Variants in IGF1R observed in about 807,000 individuals in gnomAD.
IGF1R encodes insulin like growth factor 1 receptor, also known as insulin-like growth factor 1 receptor.
Under a neutral mutation model 144.6 loss-of-function variants are expected in IGF1R, and 44 were observed. The observed-to-expected ratio is 0.30, with a 90% CI of 0.24 to 0.39. The LOEUF is 0.39. IGF1R is among the 10% of genes least tolerant of loss of function. The pLI is 1.00. For synonymous variants in IGF1R, 795 were observed against 722.8 expected (o/e 1.10, Z -1.60); for missense variants, 1,355 against 1,833.7 (o/e 0.74, Z 4.77).
At chr15:98,737,536 C>T (rs2054639256) in intron 2 of IGF1R, among the ~76,000 whole-genome samples, 1 of 152,044 alleles carries the variant, frequency 6.6e-6, no homozygotes, top group Admixed American at 6.6e-5. Context: ...TGAGCCCTGT[C>T]AAATAAATTC....
Position 98,902,479 on chromosome 15 carries a change from G to A in IGF1R, c.1247+2858G>A, listed in dbSNP as rs532950632. Among the ~76,000 whole-genome samples the A allele has an allele frequency of 1.2e-4, 18 of 147,410 alleles. No individual in the cohort carries two copies. The South Asian group carries it at 2.2e-3, about 18-fold the overall frequency. On this transcript the variant is annotated intron_variant, in intron 5 of 20. Coordinates refer to ENST00000650285, the MANE Select transcript of IGF1R (RefSeq NM_000875.5). ...GTCGCCCAGGCTGGAGTGTAGTGGC[G>A]CTGTCTCGGCTCACTGCACCCTCTG...
chr15:98,900,959 A>G (rs148221968), intron 5 of IGF1R, among the ~76,000 whole-genome samples: 162 of 152,318 alleles, frequency 1.1e-3, no homozygotes, highest in African/African-American at 3.8e-3. Flanking sequence ...ATAGACATAG[A>G]GGTGAATGCT....
chr15:98,901,208 C>G (rs1024647075), intron 5 of IGF1R, among the ~76,000 whole-genome samples: 6 of 152,146 alleles, frequency 3.9e-5, no homozygotes, highest in Admixed American at 3.3e-4. Context: ...AAGCCCGGGC[C>G]CCTGGCCTGC....
At chr15:98,839,761 G>T (rs937726777) in intron 2 of IGF1R, among the ~76,000 whole-genome samples, 7 of 152,168 alleles carry the variant, frequency 4.6e-5, no homozygotes, top group Non-Finnish European at 1.0e-4. Context: ...CACAGTGGCT[G>T]CTTCCTCTAC....
intron 1 of IGF1R, among the ~76,000 whole-genome samples, chr15:98,675,630 C>A (rs1333791195): frequency 2.0e-5 from 3 of 152,000 alleles, no homozygotes; most frequent in Non-Finnish European, 4.4e-5. Context: ...ATACTCAAGT[C>A]AAAATCGGTT....
rs2151694701 is a variant in IGF1R, at chr15:98,924,660, G to T, written c.2758G>T (p.Val920Leu). ...LSGNGSWTDP[V>L]FFYVQAKTGY... ...TGGGAATGGGTCGTGGACAGATCCT[G>T]TGTTCTTCTATGTCCAGGCCAAAAG... Residue 920 changes from valine to leucine, a missense_variant, in exon 13 of 21, where the codon GTG (valine) becomes TTG (leucine). Around this residue, in one of 7 missense-constraint regions of IGF1R, gnomAD observed 880 missense variants for 1,202.7 expected, o/e 0.73. Coordinates refer to ENST00000650285, the MANE Select transcript of IGF1R (RefSeq NM_000875.5). 1.2e-6 allele frequency: 2 copies of T among 1,614,230 alleles called. No homozygotes were observed. Among genetic ancestry groups the T allele is most frequent in the Non-Finnish European group, 1.7e-6 (2 of 1,180,050 alleles).
chr15:98,717,861 A>G (rs2054156663), intron 2 of IGF1R, among the ~76,000 whole-genome samples: 1 of 152,124 alleles, frequency 6.6e-6, no homozygotes, highest in African/African-American at 2.4e-5. Flanking sequence ...TTTTATGACA[A>G]CTTTAGGTCT....
At chr15:98,720,519 G>A (rs1004030129) in intron 2 of IGF1R, among the ~76,000 whole-genome samples, 1 of 152,168 alleles carries the variant, frequency 6.6e-6, no homozygotes, top group Non-Finnish European at 1.5e-5. Flanking sequence ...GACTGCCTAC[G>A]AAACTAGATC....
chr15:98,927,712 C>A (rs983907161), intron 13 of IGF1R, among the ~76,000 whole-genome samples: 7 of 152,162 alleles, frequency 4.6e-5, no homozygotes, highest in Non-Finnish European at 1.0e-4. Flanking sequence ...GCTACAATAT[C>A]AATAAAAATA....
At chr15:98,690,647 T>G (rs185616153) in intron 1 of IGF1R, among the ~76,000 whole-genome samples, 1 of 152,328 alleles carries the variant, frequency 6.6e-6, no homozygotes, top group Non-Finnish European at 1.5e-5. Context: ...CTTATGGAAA[T>G]TAGAACAATA....
chr15:98,947,188 C>T (rs563390437), intron 19 of IGF1R, among the ~76,000 whole-genome samples: 1 of 152,340 alleles, frequency 6.6e-6, no homozygotes, highest in East Asian at 1.9e-4. Context: ...TTCTTGGTCA[C>T]TTGTAATTAA....
intron 2 of IGF1R, among the ~76,000 whole-genome samples, chr15:98,865,949 G>T (rs1285098423): frequency 6.6e-6 from 1 of 152,208 alleles, no homozygotes; most frequent in Non-Finnish European, 1.5e-5. Flanking sequence ...TCCCGCTCTG[G>T]GGTCGCCACT....
Position 98,935,481 on chromosome 15 carries a change from T to G in IGF1R, c.3297+55T>G, listed in dbSNP as rs771280463. On this transcript the variant is annotated intron_variant, in intron 17 of 20. Coordinates refer to ENST00000650285, the MANE Select transcript of IGF1R (RefSeq NM_000875.5). This position sits in a 1 kb window ranked among gnomAD's most constrained non-coding sequence, Gnocchi z 4.2. ...GTTGCCTGGCCTGCTCTCTTTTCCT[T>G]TATAATCTCCCTGCAAGGAAATGCT... 33 of 1,031,790 alleles carry G rather than the reference T, an allele frequency of 3.2e-5. No individual in the cohort carries two copies. Among genetic ancestry groups the G allele is most frequent in the Non-Finnish European group, 4.9e-5 (33 of 672,426 alleles). The allele number at this position is 1,031,790 out of a possible 1,614,324, so 63.9% of individuals were successfully genotyped here. A position where few individuals can be genotyped will look rare whatever the true frequency, so the allele number is the denominator to read the frequency against.
chr15:98,725,639 G>A (rs2054340073), intron 2 of IGF1R, among the ~76,000 whole-genome samples: 2 of 152,122 alleles, frequency 1.3e-5, no homozygotes. Flanking sequence ...TTGTACCAGT[G>A]AACTGACCCC....
At chr15:98,883,319 C>T (rs1029525938) in intron 2 of IGF1R, among the ~76,000 whole-genome samples, 5 of 152,142 alleles carry the variant, frequency 3.3e-5, no homozygotes, top group Non-Finnish European at 1.5e-5. Flanking sequence ...TTTTTCCAAC[C>T]ATTCCTTAGG....
chr15:98,663,423 T>C (rs1161500174), intron 1 of IGF1R, among the ~76,000 whole-genome samples: 2 of 152,218 alleles, frequency 1.3e-5, no homozygotes, highest in African/African-American at 2.4e-5. Flanking sequence ...AGTGTTCAAC[T>C]TTTTTAAAGA....
At chr15:98,795,888 A>G (rs555153748) in intron 2 of IGF1R, among the ~76,000 whole-genome samples, 3 of 152,206 alleles carry the variant, frequency 2.0e-5, no homozygotes, top group African/African-American at 7.2e-5. Context: ...GTAATTTGAA[A>G]CACCCGTGTA....
intron 2 of IGF1R, among the ~76,000 whole-genome samples, chr15:98,709,375 G>A (rs902429091): frequency 2.0e-5 from 3 of 152,194 alleles, no homozygotes; most frequent in Non-Finnish European, 4.4e-5. Context: ...GGATCAGTGC[G>A]TATGTGAACA....
chr15:98,896,895 C>T lies in IGF1R; in HGVS notation c.1092C>T (p.Ile364=), dbSNP rs149559330. The T allele has an allele frequency of 3.1e-5, 50 of 1,613,916 alleles. No homozygotes were observed. Among genetic ancestry groups the T allele is most frequent in the Non-Finnish European group, 4.2e-5 (49 of 1,179,984 alleles). The change falls in exon 4 of 21, where the codon ATC becomes ATT. Residue 364 remains isoleucine, a synonymous_variant. Transcript: ENST00000650285. ...TCAAGGGCAATTTGCTCATTAACAT[C>T]CGACGGGGGAGTAAGTATTCCATCC... is the stretch of plus-strand genomic sequence containing the variant. ...TIFKGNLLIN[I]RRGNNIASEL...
Sources: gnomAD v4.1 joint callset for allele counts (sites outside exome capture counted in the v4.1 genomes callset) on GRCh38, gnomAD v4.1.1 for gene constraint, gnomAD v4.1.1 regional missense constraint, Gnocchi (gnomAD v3.1) non-coding constraint, MANE v1.5 for transcripts, NCBI Gene and HGNC (gene_info 2026-07-23, HGNC 2026-07-21) for gene names.